Variants in CRYBG1 observed in about 807,000 individuals in gnomAD.
The protein encoded by CRYBG1 is beta/gamma crystallin domain-containing protein 1.
Under a neutral mutation model 189.2 loss-of-function variants are expected in CRYBG1, and 139 were observed. That is an observed-to-expected ratio of 0.73 (90% confidence interval 0.64 to 0.85). The LOEUF is 0.85. Among genes scored for constraint, CRYBG1 ranks in the 40% least tolerant of loss-of-function variants. The pLI, the probability that CRYBG1 is intolerant of heterozygous loss-of-function variation, is 0.00. For synonymous variants in CRYBG1, 1,023 were observed against 1,017.1 expected (o/e 1.01, Z -0.11); for missense variants, 2,611 against 2,675.8 (o/e 0.98, Z 0.53).
chr6:106,484,732 T>C (rs1309159776), intron 2 of CRYBG1, among the ~76,000 whole-genome samples: 1 of 152,094 alleles, frequency 6.6e-6, no homozygotes, highest in Non-Finnish European at 1.5e-5. Context: ...ATAACTGTAA[T>C]CCTAGAACTT....
In CRYBG1 at chr6:106,360,979, C is replaced by T. The variant is rs1202808432; in HGVS notation, c.71C>T (p.Thr24Ile). 6.5e-7 allele frequency: 1 copy of T among 1,535,264 alleles called. No individual in the cohort carries two copies. Among genetic ancestry groups the T allele is most frequent in the South Asian group, 1.2e-5 (1 of 84,050 alleles). ...PSPCRPPKKH[T>I]TFHLWRSKKK... ...CCGTGCAGGCCCCCTAAGAAGCACA[C>T]CACCTTCCACCTCTGGCGCTCCAAA... is the stretch of plus-strand genomic sequence containing the variant. Residue 24 changes from threonine (T) to isoleucine (I), a missense_variant, in exon 1 of 22, where the codon ACC becomes ATC. Coordinates refer to ENST00000633556, the MANE Select transcript of CRYBG1 (RefSeq NM_001371242.2).
Position 106,512,323 on chromosome 6 carries a change from T to C in CRYBG1, c.1206T>C (p.Asp402=), listed in dbSNP as rs918863563. ...TCGTGATTACTCCCAGAGCGGAAGATTGCGGTGACTGGGACGACATGGAGA... is the reference window on the plus strand; with the variant it reads ...TCGTGATTACTCCCAGAGCGGAAGACTGCGGTGACTGGGACGACATGGAGA... The part of the protein sequence containing the change: ...EPVVITPRAE[D]CGDWDDMEKR... The change falls in exon 3 of 22, where the codon GAT becomes GAC. Residue 402 remains aspartate, a synonymous_variant. Transcript: ENST00000633556. 4 of 1,607,308 alleles carry C rather than the reference T, an allele frequency of 2.5e-6. No homozygotes were observed. The highest frequency in any genetic ancestry group is 3.4e-6 in the Non-Finnish European group (4 of 1,178,080).
chr6:106,484,419 G>A (rs574443433), intron 2 of CRYBG1, among the ~76,000 whole-genome samples: 2 of 152,210 alleles, frequency 1.3e-5, no homozygotes, highest in Non-Finnish European at 2.9e-5. Context: ...TCAGCCTCAA[G>A]CAATCCTCCA....
chr6:106,366,777 T>C (rs931253705), intron 1 of CRYBG1, among the ~76,000 whole-genome samples: 1 of 152,232 alleles, frequency 6.6e-6, no homozygotes, highest in Non-Finnish European at 1.5e-5. Flanking sequence ...AAGTGCTGGA[T>C]AGAGGAAAGG....
At chr6:106,366,164 C>T (rs769471798) in intron 1 of CRYBG1, among the ~76,000 whole-genome samples, 12 of 152,062 alleles carry the variant, frequency 7.9e-5, no homozygotes, top group Non-Finnish European at 1.5e-4. Context: ...ATTCTAGTTT[C>T]CAGTCTTTTG....
Position 106,483,832 on chromosome 6 carries a change from A to G in CRYBG1, c.313-27598A>G, listed in dbSNP as rs542626354. 1.4e-4 allele frequency among the ~76,000 whole-genome samples: 22 copies of G among 152,276 alleles called. No homozygotes were observed. The South Asian group carries it at 4.4e-3, about 30-fold the overall frequency. ...GTATGTCTTCTTTTGAGAAATGCCT[A>G]TTAAGGTCTTTTGCCCATTTTAAAA... is the stretch of plus-strand genomic sequence containing the variant. On this transcript the variant is annotated intron_variant, in intron 2 of 21. Coordinates refer to ENST00000633556, the MANE Select transcript of CRYBG1 (RefSeq NM_001371242.2).
chr6:106,434,285 C>T (rs1404794393), intron 1 of CRYBG1, among the ~76,000 whole-genome samples: 3 of 151,944 alleles, frequency 2.0e-5, no homozygotes, highest in Non-Finnish European at 4.4e-5. Flanking sequence ...AGGACACGGG[C>T]GTAAATACCA....
Position 106,520,447 on chromosome 6 carries a change from G to T in CRYBG1, c.3239G>T (p.Gly1080Val). The change falls in exon 4 of 22, where the codon GGC (glycine) becomes GTC (valine). Residue 1080 changes from glycine to valine, a missense_variant. Coordinates refer to ENST00000633556, the MANE Select transcript of CRYBG1 (RefSeq NM_001371242.2). ...AGGCCAGATCAGACTGTTACAAATG[G>T]CCAGGATAGCCCTGCCAGCCTTTTG... ...PQRPDQTVTNGQDSPASLLNI... is the reference protein window; with the variant it reads ...PQRPDQTVTNVQDSPASLLNI... The T allele has an allele frequency of 6.2e-7, 1 of 1,614,134 alleles. No homozygotes were observed. Among genetic ancestry groups the T allele is most frequent in the Non-Finnish European group, 8.5e-7 (1 of 1,180,018 alleles).
At chr6:106,473,036 A>G (rs1772267705) in intron 2 of CRYBG1, among the ~76,000 whole-genome samples, 1 of 152,060 alleles carries the variant, frequency 6.6e-6, no homozygotes, top group South Asian at 2.1e-4. Flanking sequence ...GTCAGCACGT[A>G]CCTTTTCAAA....
At chr6:106,444,420 G>T (rs987387428) in intron 1 of CRYBG1, among the ~76,000 whole-genome samples, 6 of 152,178 alleles carry the variant, frequency 3.9e-5, no homozygotes, top group African/African-American at 1.4e-4. Context: ...GTTCCTTGAG[G>T]CACAGACCTC....
chr6:106,535,610 A>G (rs1243345901), intron 8 of CRYBG1, among the ~76,000 whole-genome samples: 1 of 152,186 alleles, frequency 6.6e-6, no homozygotes, highest in Non-Finnish European at 1.5e-5. Flanking sequence ...AATTTTCCCA[A>G]TTGCTTCAGG....
At chr6:106,532,941 A>G (rs1264788260) in intron 8 of CRYBG1, among the ~76,000 whole-genome samples, 4 of 152,228 alleles carry the variant, frequency 2.6e-5, no homozygotes, top group African/African-American at 9.6e-5. Flanking sequence ...AAATCTGTTA[A>G]TCAAGCATCT....
chr6:106,433,660 T>C (rs1582759907), intron 1 of CRYBG1, among the ~76,000 whole-genome samples: 1 of 149,628 alleles, frequency 6.7e-6, no homozygotes, highest in Non-Finnish European at 1.5e-5. Flanking sequence ...ACAGTCCATT[T>C]GAAGGAAAAG....
At chr6:106,533,121 A>C (rs1166712372) in intron 8 of CRYBG1, among the ~76,000 whole-genome samples, 1 of 152,230 alleles carries the variant, frequency 6.6e-6, no homozygotes. Context: ...AGGGGCAGGC[A>C]TGTTGCTATT....
At chr6:106,372,116 C>A (rs1281203962) in intron 1 of CRYBG1, among the ~76,000 whole-genome samples, 1 of 152,242 alleles carries the variant, frequency 6.6e-6, no homozygotes, top group African/African-American at 2.4e-5. Flanking sequence ...TACAATTCCA[C>A]TAACTTACAA....
At chr6:106,489,726 G>T (rs1444860151) in intron 2 of CRYBG1, among the ~76,000 whole-genome samples, 2 of 137,032 alleles carry the variant, frequency 1.5e-5, no homozygotes, top group Non-Finnish European at 3.1e-5. Flanking sequence ...TACTCAGGAT[G>T]TTGATGCAGT....
chr6:106,410,049 T>C (rs1347155465), intron 1 of CRYBG1, among the ~76,000 whole-genome samples: 1 of 152,208 alleles, frequency 6.6e-6, no homozygotes, highest in African/African-American at 2.4e-5. Context: ...GAAGAACTGC[T>C]GCACAGCAAA....
chr6:106,415,226 G>T (rs1337926244), intron 1 of CRYBG1, among the ~76,000 whole-genome samples: 3 of 152,206 alleles, frequency 2.0e-5, no homozygotes, highest in African/African-American at 4.8e-5. Flanking sequence ...ATACATTTTA[G>T]ATGTATTTGT....
intron 1 of CRYBG1, among the ~76,000 whole-genome samples, chr6:106,421,581 G>A (rs1771123406): frequency 6.6e-6 from 1 of 152,140 alleles, no homozygotes; most frequent in East Asian, 1.9e-4. Flanking sequence ...CTCCAAAGGG[G>A]AGGGCTTTGC....
Sources: gnomAD v4.1 joint callset for allele counts (sites outside exome capture counted in the v4.1 genomes callset) on GRCh38, gnomAD v4.1.1 for gene constraint, MANE v1.5 for transcripts, NCBI Gene and HGNC (gene_info 2026-07-23, HGNC 2026-07-21) for gene names.